MEA1: variants seen among roughly 807,000 people sequenced by gnomAD.
MEA1 encodes male-enhanced antigen 1, also known as Male-enhanced antigen (H-Y structural gene).
MEA1 carries 22 observed loss-of-function variants against 21.4 expected under a neutral mutation model. The ratio of observed to expected loss-of-function variants is 1.03; its 90% CI spans 0.73 to 1.47. MEA1 has a LOEUF of 1.47. MEA1 is among the 40% of genes most tolerant of loss of function. The pLI is 0.00. For missense variants in MEA1, 233 were observed against 230.5 expected (o/e 1.01, Z -0.07); for synonymous variants, 91 against 85.5 (o/e 1.06, Z -0.35).
Position 43,011,606 on chromosome 6 carries a change from T to C in MEA1, c.*864A>G. On this transcript the variant is annotated 3_prime_UTR_variant, in exon 4 of 4. Transcript: ENST00000244711. Reference sequence around the variant, plus strand: ...CTGCTCTGAGAAGTACACACAGGAATACATACGCTCCTCTATTCTTCCCTT... The same window carrying C: ...CTGCTCTGAGAAGTACACACAGGAACACATACGCTCCTCTATTCTTCCCTT... 2.5e-6 allele frequency: 1 copy of C among 400,916 alleles called. No individual in the cohort carries two copies. Among genetic ancestry groups the C allele is most frequent in the Non-Finnish European group, 4.6e-6 (1 of 217,582 alleles). 24.8% of individuals were successfully genotyped at this position (400,916 alleles called of 1,614,324 possible). A position where few individuals can be genotyped will look rare whatever the true frequency, so the allele number is the denominator to read the frequency against.
In MEA1 at chr6:43,013,843, C is replaced by A. The variant is rs1473681497; in HGVS notation, c.-30G>T. 6.4e-7 allele frequency: 1 copy of A among 1,567,382 alleles called. No individual in the cohort carries two copies. Among genetic ancestry groups the A allele is most frequent in the Admixed American group, 1.9e-5 (1 of 52,406 alleles). On this transcript the variant is annotated 5_prime_UTR_variant, in exon 1 of 4. Coordinates refer to ENST00000244711, the MANE Select transcript of MEA1 (RefSeq NM_014623.4). ...TCCCCTCAAATGGCCCCAGCTGCAG[C>A]GTCCCCCACCCGCCCCCATCCGAAT...
upstream of MEA1, among the ~76,000 whole-genome samples, chr6:43,016,092 T>TGG: frequency 6.6e-6 from 1 of 152,020 alleles, no homozygotes; most frequent in East Asian, 2.0e-4. Flanking sequence ...CGCGCCACCG[T>TGG]GCCCAGCTAA....
At position 43,012,626 on chromosome 6, in the gene MEA1, A is replaced by T. The variant is rs1225239707; in HGVS notation, c.407-5T>A. 1 of 1,591,020 alleles carries T rather than the reference A, an allele frequency of 6.3e-7. No homozygotes were observed. On this transcript the variant is annotated splice_polypyrimidine_tract_variant and splice_region_variant and intron_variant, in intron 3 of 3. Coordinates refer to ENST00000244711, the MANE Select transcript of MEA1 (RefSeq NM_014623.4). ...TTTTCACCAGCTCTACATGTTCTGA[A>T]ATCAGAGCCAGAGGCCATTCAGGCA...
At chr6:43,013,490 CTCCTCCCCGAGGCTCCTGCA>C (rs1561856511) in intron 1 of MEA1, 101 bp from the exon 2 acceptor site, 1 of 1,342,696 alleles carries the variant, frequency 7.4e-7, no homozygotes, top group Non-Finnish European at 1.0e-6. Flanking sequence ...AAAAAACCAG[CTCCTCCCCGAGGCTCCTGCA>C]TCCTCCACCC....
At position 43,012,440 on chromosome 6, in the gene MEA1, T is replaced by C; in HGVS notation, c.*30A>G. On this transcript the variant is annotated 3_prime_UTR_variant, in exon 4 of 4. Coordinates refer to ENST00000244711, the MANE Select transcript of MEA1 (RefSeq NM_014623.4). The stretch of plus-strand genomic sequence containing the variant: ...GTCCTGTGCTGGTTCTGGCCTGGAA[T>C]GTAGGAATATAAGGCAGCTCTCACT... The C allele has an allele frequency of 6.4e-7, 1 of 1,560,796 alleles. No individual in the cohort carries two copies. Among genetic ancestry groups the C allele is most frequent in the Non-Finnish European group, 8.7e-7 (1 of 1,154,842 alleles).
rs1581871940 is a variant in MEA1, at chr6:43,013,924, C to G, written c.-111G>C. 1 of 1,466,180 alleles carries G rather than the reference C, an allele frequency of 6.8e-7. No individual in the cohort carries two copies. The highest frequency in any genetic ancestry group is 1.4e-5 in the African/African-American group (1 of 70,040). The allele number at this position is 1,466,180 out of a possible 1,614,324, so 90.8% of individuals were successfully genotyped here. On this transcript the variant is annotated 5_prime_UTR_variant, in exon 1 of 4. Transcript: ENST00000244711. The stretch of plus-strand genomic sequence containing the variant: ...CGCTCAGAGCCCGCGGCCTCCACTT[C>G]CGGCGGGGCAGGACGTGCAGAGGTG...
Position 43,012,289 on chromosome 6 carries a change from G to T in MEA1, c.*181C>A. On this transcript the variant is annotated 3_prime_UTR_variant, in exon 4 of 4. Transcript: ENST00000244711. ...AGTGATACATGCTAAGGTGGGTTGG[G>T]CTTGGACCGATGTCCCCATATGTAC... 7.2e-7 allele frequency: 1 copy of T among 1,381,768 alleles called. No individual in the cohort carries two copies. Among genetic ancestry groups the T allele is most frequent in the East Asian group, 2.6e-5 (1 of 38,880 alleles). 85.6% of individuals were successfully genotyped at this position (1,381,768 alleles called of 1,614,324 possible).
At chr6:43,014,185 C>T (rs936889853), upstream of MEA1, 40 of 1,386,816 alleles carry the variant, frequency 2.9e-5, no homozygotes, top group Non-Finnish European at 3.8e-5. Context: ...GAAATGCCTC[C>T]GGCACTTAGC....
Position 43,012,918 on chromosome 6 carries a change from T to C in MEA1, c.406+8A>G. On this transcript the variant is annotated splice_region_variant and intron_variant, in intron 3 of 3. Coordinates refer to ENST00000244711, the MANE Select transcript of MEA1 (RefSeq NM_014623.4). ...TAATTATTCCAGAATGAAAGAATGA[T>C]CTTTTACCTGGGTCCATGGGAATAG... The C allele has an allele frequency of 6.2e-7, 1 of 1,610,630 alleles. No homozygotes were observed. The highest frequency in any genetic ancestry group is 8.5e-7 in the Non-Finnish European group (1 of 1,176,798).
In MEA1 at chr6:43,013,906, A is replaced by G; in HGVS notation, c.-93T>C. 6.7e-7 allele frequency: 1 copy of G among 1,486,786 alleles called. No individual in the cohort carries two copies. The highest frequency in any genetic ancestry group is 2.5e-5 in the East Asian group (1 of 39,950). 92.1% of individuals were successfully genotyped at this position (1,486,786 alleles called of 1,614,324 possible). On this transcript the variant is annotated 5_prime_UTR_variant, in exon 1 of 4. Coordinates refer to ENST00000244711, the MANE Select transcript of MEA1 (RefSeq NM_014623.4). ...GTTCCCGCGCGCCTCACCCGCTCAG[A>G]GCCCGCGGCCTCCACTTCCGGCGGG...
chr6:43,016,486 G>C (rs1352762188), upstream of MEA1: 1 of 152,354 alleles, frequency 6.6e-6, no homozygotes, highest in Non-Finnish European at 1.5e-5. Flanking sequence ...TGCCTGTGGG[G>C]GGCCCTGGGT....
Position 43,013,891 on chromosome 6 carries a change from G to C in MEA1, c.-78C>G. 3 of 1,438,350 alleles carry C rather than the reference G, an allele frequency of 2.1e-6. No homozygotes were observed. The South Asian group carries it at 3.9e-5, about 19-fold the overall frequency. The allele number at this position is 1,438,350 out of a possible 1,614,324, so 89.1% of individuals were successfully genotyped here. A position where few individuals can be genotyped will look rare whatever the true frequency, so the allele number is the denominator to read the frequency against. Reference sequence around the variant, plus strand: ...AATCCCGGCGCCGGTGTTCCCGCGCGCCTCACCCGCTCAGAGCCCGCGGCC... The same window carrying C: ...AATCCCGGCGCCGGTGTTCCCGCGCCCCTCACCCGCTCAGAGCCCGCGGCC... On this transcript the variant is annotated 5_prime_UTR_variant, in exon 1 of 4. Coordinates refer to ENST00000244711, the MANE Select transcript of MEA1 (RefSeq NM_014623.4).
Position 43,012,023 on chromosome 6 carries a change from G to A in MEA1, c.*447C>T, listed in dbSNP as rs1762375844. On this transcript the variant is annotated 3_prime_UTR_variant, in exon 4 of 4. Coordinates refer to ENST00000244711, the MANE Select transcript of MEA1 (RefSeq NM_014623.4). Reference sequence around the variant, plus strand: ...ACATGGAAGGGACCACCCTGGGGCTGACTGCTTTTCTGTGCTGTTGGTTCC... The same window carrying A: ...ACATGGAAGGGACCACCCTGGGGCTAACTGCTTTTCTGTGCTGTTGGTTCC... 4.8e-6 allele frequency: 1 copy of A among 208,678 alleles called. No homozygotes were observed. The highest frequency in any genetic ancestry group is 2.3e-3 in the Middle Eastern group (1 of 438). 12.9% of individuals were successfully genotyped at this position (208,678 alleles called of 1,614,324 possible).
chr6:43,014,382 T>C, upstream of MEA1: 1 of 618,118 alleles, frequency 1.6e-6, no homozygotes, highest in Non-Finnish European at 3.0e-6. Context: ...CAAGGGAGAA[T>C]TAGGGGGCTT....
At chr6:43,014,313 G>A, upstream of MEA1, 2 of 649,936 alleles carry the variant, frequency 3.1e-6, no homozygotes, top group Non-Finnish European at 5.3e-6. Flanking sequence ...CAGGCAGCTC[G>A]AGGACCCGCG....
At position 43,013,234 on chromosome 6, in the gene MEA1, C is replaced by T; in HGVS notation, c.184G>A (p.Gly62Arg). ...TAGGAGTAGCCAGCTGGGCCCGACC[C>T]CGTTTCCTCCTGCTCTTCCTCAGGC... ...EEPEEEQEET[G>R]SGPAGYSYQP... The change falls in exon 2 of 4, where the codon GGG becomes AGG. Residue 62 changes from glycine (G) to arginine (R), a missense_variant. Physicochemically the swap from Gly to Arg is moderately radical, Grantham distance 125. Coordinates refer to ENST00000244711, the MANE Select transcript of MEA1 (RefSeq NM_014623.4). The T allele has an allele frequency of 6.2e-7, 1 of 1,614,170 alleles. No individual in the cohort carries two copies. Among genetic ancestry groups the T allele is most frequent in the Non-Finnish European group, 8.5e-7 (1 of 1,180,032 alleles).
At position 43,012,564 on chromosome 6, in the gene MEA1, A is replaced by T; in HGVS notation, c.464T>A (p.Val155Asp). 6.2e-7 allele frequency: 1 copy of T among 1,610,778 alleles called. No individual in the cohort carries two copies. The highest frequency in any genetic ancestry group is 8.5e-7 in the Non-Finnish European group (1 of 1,178,804). The change falls in exon 4 of 4, where the codon GTT becomes GAT. Residue 155 changes from valine to aspartate, a missense_variant. Transcript: ENST00000244711. The part of the protein sequence containing the change: ...MAGVSLPAPG[V>D]PAWAREISDA... ...CGATATCTCCCGAGCCCAGGCAGGA[A>T]CCCCTGGCGCAGGCAGGCTTACTCC...
At chr6:43,016,387 A>G (rs1042212079), upstream of MEA1, 3 of 152,202 alleles carry the variant, frequency 2.0e-5, no homozygotes, top group African/African-American at 7.2e-5. Context: ...CCCTCCCTCT[A>G]TCACCATCCC....
In MEA1 at chr6:43,012,227, T is replaced by A. The variant is rs909541141; in HGVS notation, c.*243A>T. ...GTTCCAGGGGCGCAGGCAGTGCGGC[T>A]TTTGGCTGTGTACATAGGGTGCTTT... On this transcript the variant is annotated 3_prime_UTR_variant, in exon 4 of 4. Coordinates refer to ENST00000244711, the MANE Select transcript of MEA1 (RefSeq NM_014623.4). 2.5e-6 allele frequency: 3 copies of A among 1,214,664 alleles called. No individual in the cohort carries two copies. The African/African-American group carries it at 4.7e-5, about 19-fold the overall frequency. 75.2% of individuals were successfully genotyped at this position (1,214,664 alleles called of 1,614,324 possible).
Sources: gnomAD v4.1 joint callset for allele counts (sites outside exome capture counted in the v4.1 genomes callset) on GRCh38, gnomAD v4.1.1 for gene constraint, MANE v1.5 for transcripts, NCBI Gene and HGNC (gene_info 2026-07-23, HGNC 2026-07-21) for gene names.